Variants in BTD observed in about 807,000 individuals in gnomAD.
The protein encoded by BTD is biotinidase, also known as biocytinase.
BTD carries 13 observed loss-of-function variants against 17.7 expected under a neutral mutation model. That is an observed-to-expected ratio of 0.74 (90% CI 0.48 to 1.17). BTD has a LOEUF of 1.17. Ranked by LOEUF, BTD falls within the 50% of genes most tolerant of loss-of-function variation. The pLI is 0.00. For synonymous variants in BTD, 240 were observed against 245.2 expected (o/e 0.98, Z 0.20); for missense variants, 674 against 650.4 (o/e 1.04, Z -0.39).
At chr3:15,625,709 C>G (rs1277437156) in intron 1 of BTD, among the ~76,000 whole-genome samples, 1 of 152,128 alleles carries the variant, frequency 6.6e-6, no homozygotes, top group East Asian at 1.9e-4. Flanking sequence ...GCACCCGCCC[C>G]CTCGCCCAGC....
At position 15,647,280 on chromosome 3, in the gene BTD, A is replaced by G. The variant is rs1315377483; in HGVS notation, c.*1792A>G. ...CCGCCCAGTCTGCTTCCCTGCCTCA[A>G]ACCCCAGGGAGACAGAAATTACCTA... On this transcript the variant is annotated 3_prime_UTR_variant, in exon 4 of 4. Transcript: ENST00000643237. The G allele has an allele frequency of 6.6e-6, 1 of 152,276 alleles. No individual in the cohort carries two copies. The highest frequency in any genetic ancestry group is 6.5e-5 in the Admixed American group (1 of 15,284). The allele number at this position is 152,276 out of a possible 1,614,324, so 9.4% of individuals were successfully genotyped here.
chr3:15,710,492 C>G (rs112861762), exon 4 of BTD, among the ~76,000 whole-genome samples: 25 of 152,260 alleles, frequency 1.6e-4, no homozygotes, highest in African/African-American at 6.0e-4. Flanking sequence ...TCCATCTCTA[C>G]AACTTAGACT....
downstream of BTD, among the ~76,000 whole-genome samples, chr3:15,654,495 A>T (rs907012723): frequency 3.9e-5 from 6 of 152,152 alleles, no homozygotes; most frequent in African/African-American, 1.2e-4. Flanking sequence ...GGGAAAAATA[A>T]CAATTAAAAA....
chr3:15,656,669 C>G (rs1314334740), downstream of BTD, among the ~76,000 whole-genome samples: 1 of 152,162 alleles, frequency 6.6e-6, no homozygotes, highest in Non-Finnish European at 1.5e-5. Flanking sequence ...AAAACAAAAA[C>G]AAAGACTCAA....
downstream of BTD, among the ~76,000 whole-genome samples, chr3:15,654,646 A>G (rs1034815184): frequency 2.6e-5 from 4 of 151,848 alleles, no homozygotes; most frequent in Admixed American, 6.6e-5. Flanking sequence ...ATCTTGGCTC[A>G]CTGCACCCTC....
chr3:15,712,248 T>G, exon 4 of BTD: 1 of 1,522,308 alleles, frequency 6.6e-7, no homozygotes, highest in Non-Finnish European at 8.9e-7. Flanking sequence ...CAGGACAGTA[T>G]CTTCATTTTA....
chr3:15,654,294 G>A (rs974889389), downstream of BTD, among the ~76,000 whole-genome samples: 1 of 152,130 alleles, frequency 6.6e-6, no homozygotes, highest in African/African-American at 2.4e-5. Flanking sequence ...TCTGCAGGCT[G>A]GGGGAAGAGT....
intron 2 of BTD, among the ~76,000 whole-genome samples, chr3:15,639,179 C>T (rs2065436461): frequency 6.6e-6 from 1 of 151,864 alleles, no homozygotes; most frequent in Non-Finnish European, 1.5e-5. Context: ...TAGGATTACT[C>T]ATCACATCAG....
At chr3:15,629,680 A>T (rs2125428505) in intron 1 of BTD, among the ~76,000 whole-genome samples, 1 of 152,202 alleles carries the variant, frequency 6.6e-6, no homozygotes, top group African/African-American at 2.4e-5. Context: ...ACGTGCCACC[A>T]TGCCCGGCAA....
chr3:15,674,196 A>AAAAAAAG (rs1470515364), intron 3 of BTD, among the ~76,000 whole-genome samples: 5,185 of 128,446 alleles, frequency 0.04, 457 homozygotes, highest in East Asian at 0.12. Context: ...AAAAAAAAAA[A>AAAAAAAG]AAGAAGAAGA....
At chr3:15,671,781 C>T (rs555803680) in intron 3 of BTD, among the ~76,000 whole-genome samples, 8 of 151,980 alleles carry the variant, frequency 5.3e-5, no homozygotes, top group South Asian at 2.1e-4. Context: ...GATGGGATTT[C>T]GCTATGTTGG....
At chr3:15,656,630 A>G (rs2065874062), downstream of BTD, among the ~76,000 whole-genome samples, 1 of 152,174 alleles carries the variant, frequency 6.6e-6, no homozygotes, top group Non-Finnish European at 1.5e-5. Context: ...TTCCTAGAGC[A>G]TTTTTATATC....
At chr3:15,666,964 A>T (rs968850024) in intron 3 of BTD, among the ~76,000 whole-genome samples, 2 of 152,158 alleles carry the variant, frequency 1.3e-5, no homozygotes, top group Non-Finnish European at 2.9e-5. Context: ...TTCTACTTAT[A>T]CCTTTCCACA....
downstream of BTD, among the ~76,000 whole-genome samples, chr3:15,658,549 T>G (rs972698191): frequency 1.3e-5 from 2 of 152,066 alleles, no homozygotes; most frequent in Non-Finnish European, 2.9e-5. Context: ...AAACCGGATA[T>G]TCAGAGTGAG....
chr3:15,630,316 A>G (rs2065174413), intron 1 of BTD, among the ~76,000 whole-genome samples: 2 of 152,206 alleles, frequency 1.3e-5, no homozygotes, highest in Non-Finnish European at 2.9e-5. Context: ...TGGGTTAATG[A>G]TACTCAGTTT....
At chr3:15,681,367 C>G (rs7637340) in intron 3 of BTD, among the ~76,000 whole-genome samples, 12,720 of 152,184 alleles carry the variant, frequency 0.084, 1,619 homozygotes, top group African/African-American at 0.27. Context: ...ATTGACTGTT[C>G]ATCAATATCT....
At chr3:15,678,282 T>G (rs1439639744) in intron 3 of BTD, 1 of 1,613,268 alleles carries the variant, frequency 6.2e-7, no homozygotes, top group East Asian at 2.2e-5. Flanking sequence ...CAGAATTGAC[T>G]TGAGCATTAT....
chr3:15,707,200 G>A (rs2071562527), intron 3 of BTD, among the ~76,000 whole-genome samples: 2 of 151,812 alleles, frequency 1.3e-5, no homozygotes, highest in South Asian at 4.2e-4. Flanking sequence ...ACACCATAGG[G>A]AATTACCAGA....
intron 3 of BTD, among the ~76,000 whole-genome samples, chr3:15,707,259 A>AAG (rs1491325562): frequency 2.4e-5 from 1 of 42,164 alleles, no homozygotes; most frequent in Non-Finnish European, 9.2e-5. Flanking sequence ...GTGCAAGAAG[A>AAG]AAAAAAAAAT....
Sources: gnomAD v4.1 joint callset for allele counts (sites outside exome capture counted in the v4.1 genomes callset) on GRCh38, gnomAD v4.1.1 for gene constraint, MANE v1.5 for transcripts, NCBI Gene and HGNC (gene_info 2026-07-23, HGNC 2026-07-21) for gene names.